APOBEC3G: variants seen among roughly 807,000 people sequenced by gnomAD.
The protein encoded by APOBEC3G is DNA dC->dU-editing enzyme APOBEC-3G.
APOBEC3G carries 44 observed loss-of-function variants against 50.0 expected under a neutral mutation model. The observed-to-expected ratio is 0.88, with a 90% CI of 0.69 to 1.13. APOBEC3G has a LOEUF of 1.13. Among genes scored for constraint, APOBEC3G ranks in the 50% most tolerant of loss-of-function variants. APOBEC3G has a pLI of 0.00. For missense variants in APOBEC3G, 469 were observed against 492.0 expected (o/e 0.95, Z 0.44); for synonymous variants, 156 against 175.3 (o/e 0.89, Z 0.87).
intron 5 of APOBEC3G, 149 bp downstream of exon 5, chr22:39,084,033 G>A: frequency 1.8e-6 from 2 of 1,086,086 alleles, no homozygotes; most frequent in South Asian, 1.7e-5. Context: ...CCTGGGGTTG[G>A]GGGAGACTTC....
chr22:39,085,973 G>A (rs1345822609), intron 5 of APOBEC3G, among the ~76,000 whole-genome samples: 2 of 151,932 alleles, frequency 1.3e-5, no homozygotes, highest in Admixed American at 1.3e-4. Flanking sequence ...AGGCTGCCCC[G>A]CACCCACCCT....
chr22:39,086,141 C>A, intron 5 of APOBEC3G, 138 bp from the exon 6 acceptor site: 1 of 1,002,416 alleles, frequency 1.0e-6, no homozygotes, highest in Non-Finnish European at 1.4e-6. Flanking sequence ...CCCTTTTCTA[C>A]TAGAAATACA....
In APOBEC3G at chr22:39,080,944, A is replaced by G; in HGVS notation, c.183A>G (p.Glu61=). The G allele has an allele frequency of 6.2e-7, 1 of 1,613,354 alleles. No homozygotes were observed. Among genetic ancestry groups the G allele is most frequent in the Non-Finnish European group, 8.5e-7 (1 of 1,179,536 alleles). Residue 61 remains glutamate, a synonymous_variant, in exon 3 of 8, where the codon GAA becomes GAG. Transcript: ENST00000407997. ...TGCTCCTCTCCCAGGTGTATTCCGA[A>G]CTTAAGTACCACCCAGAGATGAGAT... The part of the protein sequence containing the change: ...AKIFRGQVYS[E]LKYHPEMRFF...
In APOBEC3G at chr22:39,078,852, G is replaced by T. The variant is rs867095041; in HGVS notation, c.18-80G>T. On this transcript the variant is annotated intron_variant, in intron 1 of 7. Coordinates refer to ENST00000407997, the MANE Select transcript of APOBEC3G (RefSeq NM_021822.4). ...GGGGGAGGCCTAGAGCCGTCCAGGG[G>T]GCTGTGTTTAGTGGACATCAGCCCG... 1.2e-5 allele frequency: 19 copies of T among 1,573,898 alleles called. No individual in the cohort carries two copies. The Middle Eastern group carries it at 1.8e-3, about 151-fold the overall frequency.
intron 2 of APOBEC3G, chr22:39,079,699 A>G (rs1928344760): frequency 1.3e-5 from 2 of 152,140 alleles, no homozygotes. Context: ...TTGACAAGAT[A>G]ATGAAGTTTC....
intron 2 of APOBEC3G, 132 bp from the exon 3 acceptor site, chr22:39,080,801 G>A: frequency 1.2e-6 from 1 of 810,012 alleles, no homozygotes; most frequent in Non-Finnish European, 1.9e-6. Flanking sequence ...AACCGAACAG[G>A]GGGATGGAGG....
chr22:39,078,891 A>G (rs779625052), intron 1 of APOBEC3G, 41 bp from the exon 2 acceptor site: 9 of 1,611,298 alleles, frequency 5.6e-6, no homozygotes, highest in Admixed American at 1.7e-5. Flanking sequence ...GGCCCCCAGG[A>G]GTGCTCTCTA....
chr22:39,077,685 C>A (rs1039943698), intron 1 of APOBEC3G, among the ~76,000 whole-genome samples: 3 of 152,226 alleles, frequency 2.0e-5, no homozygotes, highest in African/African-American at 7.2e-5. Flanking sequence ...TGTGTGCTTC[C>A]CGCCATTCCT....
intron 1 of APOBEC3G, 34 bp downstream of exon 1, chr22:39,077,412 T>A (rs761880286): frequency 3.8e-6 from 6 of 1,574,806 alleles, no homozygotes; most frequent in Non-Finnish European, 4.3e-6. Context: ...TGGGCCCCTC[T>A]GCTGCCCCTT....
chr22:39,086,891 G>A (rs766663280), intron 6 of APOBEC3G, 120 bp from the exon 7 acceptor site: 3 of 1,237,366 alleles, frequency 2.4e-6, no homozygotes, highest in Non-Finnish European at 2.2e-6. Flanking sequence ...CCTAGGGGAG[G>A]GAGAGGGAAA....
intron 1 of APOBEC3G, 77 bp from the exon 2 acceptor site, chr22:39,078,855 T>G: frequency 6.3e-7 from 1 of 1,577,706 alleles, no homozygotes; most frequent in Non-Finnish European, 8.6e-7. Context: ...TCCAGGGGGC[T>G]GTGTTTAGTG....
At chr22:39,085,930 G>A (rs1229420080) in intron 5 of APOBEC3G, among the ~76,000 whole-genome samples, 1 of 152,116 alleles carries the variant, frequency 6.6e-6, no homozygotes, top group East Asian at 1.9e-4. Flanking sequence ...CTTGATAACT[G>A]GGGTTTGGTG....
At chr22:39,083,925 AACCCAGGGAC>A (rs758587862) in intron 5 of APOBEC3G, 41 bp downstream of exon 5, 11 of 1,599,540 alleles carry the variant, frequency 6.9e-6, no homozygotes, top group Non-Finnish European at 9.4e-6. Flanking sequence ...GGGCCCTCCC[AACCCAGGGAC>A]ACCCATGGGC....
intron 2 of APOBEC3G, 39 bp from the exon 3 acceptor site, chr22:39,080,894 C>A (rs1406626517): frequency 1.3e-6 from 2 of 1,564,838 alleles, no homozygotes; most frequent in East Asian, 4.5e-5. Context: ...CCTCCTGCTC[C>A]CCCTCTCAGA....
At chr22:39,084,532 A>C (rs1189435627) in intron 5 of APOBEC3G, among the ~76,000 whole-genome samples, 1 of 149,724 alleles carries the variant, frequency 6.7e-6, no homozygotes, top group Non-Finnish European at 1.5e-5. Flanking sequence ...TCTCAAGAAA[A>C]AAAAAAAAAG....
At position 39,077,474 on chromosome 22, in the gene APOBEC3G, C is replaced by T. The variant is rs1245146242; in HGVS notation, c.17+96C>T. On this transcript the variant is annotated intron_variant, in intron 1 of 7. Coordinates refer to ENST00000407997, the MANE Select transcript of APOBEC3G (RefSeq NM_021822.4). ...AGCCCTGGCCTTCCCCTGCCCCAGC[C>T]CCAGCCCTGGGCTCCCTCCCCTCTG... is the stretch of plus-strand genomic sequence containing the variant. 3 of 1,546,050 alleles carry T rather than the reference C, an allele frequency of 1.9e-6. No homozygotes were observed. The South Asian group carries it at 3.6e-5, about 18-fold the overall frequency.
rs562757876 is a variant in APOBEC3G at position 39,087,584 on chromosome 22, T to C, written c.*163T>C. 1.0e-4 allele frequency: 137 copies of C among 1,332,446 alleles called. 3 individuals carry two copies. The East Asian group carries it at 3.2e-3, about 31-fold the overall frequency. The allele number at this position is 1,332,446 out of a possible 1,614,324, so 82.5% of individuals were successfully genotyped here. A position where few individuals can be genotyped will look rare whatever the true frequency, so the allele number is the denominator to read the frequency against. ...TGACCAAGTAGATTCTTTTAAAAAT[T>C]AGAGTGCATTACTTTGAATCAAAAA... On this transcript the variant is annotated 3_prime_UTR_variant, in exon 8 of 8. Coordinates refer to ENST00000407997, the MANE Select transcript of APOBEC3G (RefSeq NM_021822.4).
chr22:39,087,399 T>G lies in APOBEC3G; in HGVS notation c.1141-8T>G, dbSNP rs1331661648. On this transcript the variant is annotated splice_polypyrimidine_tract_variant and splice_region_variant and intron_variant, in intron 7 of 7. Coordinates refer to ENST00000407997, the MANE Select transcript of APOBEC3G (RefSeq NM_021822.4). ...CCTTTGCTCCATTCAACCTCCCTGC[T>G]CTTCCAGAATCAGGAAAACTGAAGG... is the stretch of plus-strand genomic sequence containing the variant. 6 of 1,613,948 alleles carry G rather than the reference T, an allele frequency of 3.7e-6. No individual in the cohort carries two copies. The highest frequency in any genetic ancestry group is 5.1e-6 in the Non-Finnish European group (6 of 1,179,978).
intron 2 of APOBEC3G, chr22:39,079,333 T>C: frequency 2.0e-6 from 1 of 492,518 alleles, no homozygotes; most frequent in Non-Finnish European, 3.5e-6. Flanking sequence ...TTTTTTTTTT[T>C]TGAGACAGAG....
Sources: allele counts gnomAD v4.1 joint callset (sites outside exome capture counted in the v4.1 genomes callset), GRCh38; gene constraint gnomAD v4.1.1; transcripts MANE v1.5; gene names NCBI Gene and HGNC (gene_info 2026-07-23, HGNC 2026-07-21).